The following ASIC2 variants were observed in gnomAD, a reference collection of about 807,000 sequenced individuals.
The protein encoded by ASIC2 is acid sensing ion channel subunit 2, also known as acid-sensing ion channel 2.
ASIC2 carries 25 observed loss-of-function variants against 57.3 expected under a neutral mutation model. That is an observed-to-expected ratio of 0.44 (90% CI 0.32 to 0.61). The LOEUF (loss-of-function observed/expected upper bound fraction) is 0.61, where lower values mean the gene tolerates loss of function less well. Ranked by LOEUF, ASIC2 falls within the 20% of genes least tolerant of loss-of-function variation. ASIC2 has a pLI of 0.06. For missense variants in ASIC2, 641 were observed against 738.1 expected (o/e 0.87, Z 1.52); for synonymous variants, 319 against 307.5 (o/e 1.04, Z -0.39).
At chr17:34,056,382 A>T (rs1908766028) in intron 1 of ASIC2, among the ~76,000 whole-genome samples, 1 of 152,152 alleles carries the variant, frequency 6.6e-6, no homozygotes, top group Non-Finnish European at 1.5e-5. Context: ...TTGTGGAGGG[A>T]TGGAAAATGG....
chr17:33,481,121 T>C (rs1364768789), intron 1 of ASIC2, among the ~76,000 whole-genome samples: 1 of 152,236 alleles, frequency 6.6e-6, no homozygotes, highest in African/African-American at 2.4e-5. Flanking sequence ...CACAATTCAT[T>C]GAACACCTTT....
chr17:33,145,081 T>C (rs956491536), intron 1 of ASIC2, among the ~76,000 whole-genome samples: 2 of 152,152 alleles, frequency 1.3e-5, no homozygotes, highest in African/African-American at 4.8e-5. Context: ...ATATATGGGG[T>C]TGCTATTTAT....
In ASIC2 at chr17:33,904,119, C is replaced by T. The variant is rs1331064929; in HGVS notation, c.555+251859G>A. 5.8e-5 allele frequency among the ~76,000 whole-genome samples: 8 copies of T among 137,864 alleles called. No homozygotes were observed. In the East Asian group the frequency reaches 8.6e-4, roughly 15 times the overall value. 90.4% of individuals were successfully genotyped at this position (137,864 alleles called of 152,430 possible). ...CGGAGGTTGCAGTGAACCGAGATCG[C>T]GCCATTGTACTCCAGCCTGGGCAAC... On this transcript the variant is annotated intron_variant, in intron 1 of 9. Transcript: ENST00000359872.
chr17:33,692,934 T>C (rs984966598), intron 1 of ASIC2, among the ~76,000 whole-genome samples: 1 of 152,224 alleles, frequency 6.6e-6, no homozygotes, highest in Non-Finnish European at 1.5e-5. Context: ...TATATGTAAA[T>C]CAATCGCATA....
chr17:33,652,457 A>T (rs1466108640), intron 1 of ASIC2, among the ~76,000 whole-genome samples: 2 of 152,228 alleles, frequency 1.3e-5, no homozygotes, highest in Non-Finnish European at 2.9e-5. Context: ...AATCCTCGCA[A>T]TAACTCTGTG....
chr17:34,029,057 C>T (rs193145222), intron 1 of ASIC2, among the ~76,000 whole-genome samples: 15 of 152,270 alleles, frequency 9.9e-5, no homozygotes, highest in African/African-American at 3.4e-4. Context: ...CGAAGTCTTC[C>T]TTGATCATCC....
chr17:33,901,216 A>C (rs1915224685), intron 1 of ASIC2, among the ~76,000 whole-genome samples: 1 of 151,988 alleles, frequency 6.6e-6, no homozygotes, highest in South Asian at 2.1e-4. Flanking sequence ...TGGCTCATCC[A>C]TGCCTCTTGC....
chr17:33,620,327 C>T (rs1905752257), intron 1 of ASIC2, among the ~76,000 whole-genome samples: 1 of 151,966 alleles, frequency 6.6e-6, no homozygotes, highest in Admixed American at 6.6e-5. Context: ...GTAATGCAGC[C>T]ACTATACACA....
At chr17:33,383,988 G>A (rs1021607923) in intron 1 of ASIC2, among the ~76,000 whole-genome samples, 2 of 152,192 alleles carry the variant, frequency 1.3e-5, no homozygotes, top group African/African-American at 4.8e-5. Flanking sequence ...GTTAGGAGTG[G>A]AAGCTAAGCA....
At chr17:34,071,236 G>A (rs1261347091) in intron 1 of ASIC2, 4 of 151,972 alleles carry the variant, frequency 2.6e-5, no homozygotes, top group African/African-American at 9.7e-5. Flanking sequence ...GGGGCCGCAG[G>A]GATGTAGGCC....
At chr17:33,662,975 C>T (rs3115677) in intron 1 of ASIC2, among the ~76,000 whole-genome samples, 1 of 152,174 alleles carries the variant, frequency 6.6e-6, no homozygotes, top group African/African-American at 2.4e-5. Flanking sequence ...AGGGGAAGAC[C>T]TGCCAATTGT....
intron 1 of ASIC2, among the ~76,000 whole-genome samples, chr17:33,895,686 G>T (rs377584193): frequency 1.3e-5 from 2 of 152,168 alleles, no homozygotes; most frequent in East Asian, 3.9e-4. Flanking sequence ...TTGATACCTG[G>T]ATGTCTTCCC....
At chr17:33,096,318 G>T (rs533526649) in intron 2 of ASIC2, among the ~76,000 whole-genome samples, 2 of 152,270 alleles carry the variant, frequency 1.3e-5, no homozygotes, top group East Asian at 1.9e-4. Context: ...GTTATGCATC[G>T]AATGCCTACC....
chr17:33,184,495 G>A (rs1906109226), intron 1 of ASIC2, among the ~76,000 whole-genome samples: 1 of 152,150 alleles, frequency 6.6e-6, no homozygotes, highest in African/African-American at 2.4e-5. Flanking sequence ...GCTCCCAAAT[G>A]TACCAGACTC....
chr17:33,946,017 C>T (rs762994134), intron 1 of ASIC2, among the ~76,000 whole-genome samples: 1 of 152,172 alleles, frequency 6.6e-6, no homozygotes, highest in Non-Finnish European at 1.5e-5. Flanking sequence ...ACCATCAGAC[C>T]TTAGCATACG....
At chr17:33,354,494 A>G (rs902642783) in intron 1 of ASIC2, among the ~76,000 whole-genome samples, 1 of 152,128 alleles carries the variant, frequency 6.6e-6, no homozygotes, top group Non-Finnish European at 1.5e-5. Flanking sequence ...CTTGGGATAG[A>G]GGCCTAAACC....
intron 1 of ASIC2, among the ~76,000 whole-genome samples, chr17:33,537,004 C>A (rs8077932): frequency 0.094 from 14,319 of 152,172 alleles, 1,770 homozygotes; most frequent in African/African-American, 0.29. Flanking sequence ...AGAGCGAGAC[C>A]TTGTCTCAAA....
rs80343429 is a variant in ASIC2 at position 33,229,663 on chromosome 17, G to C, written c.708+61745C>G. 2.4e-3 allele frequency among the ~76,000 whole-genome samples: 361 copies of C among 152,300 alleles called. 2 individuals carry two copies. The highest frequency in any genetic ancestry group is 3.7e-3 in the Non-Finnish European group (253 of 68,032). On this transcript the variant is annotated intron_variant, in intron 1 of 9. Transcript: ENST00000225823. ...GACATGAAACGGTACAGCTCATTTC[G>C]GGAATTGAAATATGGCCGGAGCCTG...
At chr17:33,573,785 C>A (rs997532174) in intron 1 of ASIC2, among the ~76,000 whole-genome samples, 1 of 152,116 alleles carries the variant, frequency 6.6e-6, no homozygotes, top group Non-Finnish European at 1.5e-5. Context: ...AGGCTGGTCT[C>A]GAACTCCTGA....
Sources: gnomAD v4.1 joint callset for allele counts (sites outside exome capture counted in the v4.1 genomes callset) on GRCh38, gnomAD v4.1.1 for gene constraint, MANE v1.5 for transcripts, NCBI Gene and HGNC (gene_info 2026-07-23, HGNC 2026-07-21) for gene names.